ABHD5: variants seen among roughly 807,000 people sequenced by gnomAD.
The protein encoded by ABHD5 is abhydrolase domain containing 5, lysophosphatidic acid acyltransferase, also known as 1-acylglycerol-3-phosphate O-acyltransferase ABHD5.
Under a neutral mutation model 44.9 loss-of-function variants are expected in ABHD5, and 30 were observed. The observed-to-expected ratio is 0.67, with a 90% CI of 0.50 to 0.91. ABHD5 has a LOEUF of 0.91. ABHD5 is among the 40% of genes least tolerant of loss of function. ABHD5 has a pLI of 0.00. For missense variants in ABHD5, 399 were observed against 423.4 expected, an observed-to-expected ratio of 0.94 and a Z score of 0.50; for synonymous variants, 167 against 147.0, an observed-to-expected ratio of 1.14 and a Z score of -0.99.
At chr3:43,695,653 T>TAG (rs1559409346) in intron 1 of ABHD5, among the ~76,000 whole-genome samples, 1 of 152,232 alleles carries the variant, frequency 6.6e-6, no homozygotes, top group African/African-American at 2.4e-5. Flanking sequence ...GGTTTAGTAA[T>TAG]ACTGTAGATA....
intron 7 of ABHD5, among the ~76,000 whole-genome samples, chr3:43,731,989 C>T (rs2084915800): frequency 2.6e-5 from 4 of 152,210 alleles, no homozygotes; most frequent in South Asian, 4.2e-4. Flanking sequence ...ACTCACCACC[C>T]ATGAAGTCTT....
intron 1 of ABHD5, 45 bp downstream of exon 1, chr3:43,691,084 C>T (rs940620757): frequency 8.0e-6 from 12 of 1,504,662 alleles, no homozygotes; most frequent in Non-Finnish European, 1.1e-5. Flanking sequence ...CGGCGCGCAC[C>T]CTCCGCGCGG....
In ABHD5 at chr3:43,717,829, T is replaced by TA. The variant is rs2084786657; in HGVS notation, c.933dup (p.Arg312ThrfsTer45). ...AATTCTGGCACCAGCATCCAGTCCT[T>TA]ACGACCACATTCATATGTGAAGACA... is the stretch of plus-strand genomic sequence containing the variant. On this transcript the variant is annotated frameshift_variant, in exon 6 of 7. Coordinates refer to ENST00000644371, the MANE Select transcript of ABHD5 (RefSeq NM_016006.6). LOFTEE classifies it high-confidence loss of function. 1 of 1,614,228 alleles carries TA rather than the reference T, an allele frequency of 6.2e-7. No homozygotes were observed. Among genetic ancestry groups the TA allele is most frequent in the Non-Finnish European group, 8.5e-7 (1 of 1,180,034 alleles).
At chr3:43,706,801 T>G (rs1188171094) in intron 3 of ABHD5, among the ~76,000 whole-genome samples, 1 of 152,214 alleles carries the variant, frequency 6.6e-6, no homozygotes, top group Non-Finnish European at 1.5e-5. Context: ...TAATCTTTAT[T>G]TTTTTCTTTT....
chr3:43,729,084 A>G (rs1421212296), intron 7 of ABHD5, among the ~76,000 whole-genome samples: 1 of 152,234 alleles, frequency 6.6e-6, no homozygotes, highest in Non-Finnish European at 1.5e-5. Context: ...GACTCTAACC[A>G]TAACAGCCTG....
chr3:43,723,132 G>A (rs369447795), downstream of ABHD5, among the ~76,000 whole-genome samples: 1 of 152,274 alleles, frequency 6.6e-6, no homozygotes, highest in East Asian at 1.9e-4. Context: ...TTAAATGTGA[G>A]CATCAGAAAG....
At chr3:43,708,333 C>G (rs1050613955) in intron 3 of ABHD5, among the ~76,000 whole-genome samples, 1 of 152,194 alleles carries the variant, frequency 6.6e-6, no homozygotes, top group Non-Finnish European at 1.5e-5. Flanking sequence ...GGAACCCTCT[C>G]TGGAATATTA....
chr3:43,721,698 A>C lies in ABHD5; in HGVS notation c.*3166A>C, dbSNP rs1180924688. On this transcript the variant is annotated 3_prime_UTR_variant, in exon 7 of 7. Transcript: ENST00000644371. ...ACTCCAGCCTGGGTGACAGAGAAGAAAAAAGATTTTTTTGGATAGCTGAAA... is the reference window on the plus strand; with the variant it reads ...ACTCCAGCCTGGGTGACAGAGAAGACAAAAGATTTTTTTGGATAGCTGAAA... 6.6e-6 allele frequency: 1 copy of C among 152,204 alleles called. No individual in the cohort carries two copies. The highest frequency in any genetic ancestry group is 1.5e-5 in the Non-Finnish European group (1 of 68,036). 9.4% of individuals were successfully genotyped at this position (152,204 alleles called of 1,614,324 possible).
chr3:43,714,105 T>C (rs1334166136), intron 4 of ABHD5, among the ~76,000 whole-genome samples: 1 of 151,810 alleles, frequency 6.6e-6, no homozygotes, highest in East Asian at 1.9e-4. Context: ...CCTGGGCTTT[T>C]TCTTTTCTTT....
At chr3:43,725,869 T>G (rs139746295), downstream of ABHD5, among the ~76,000 whole-genome samples, 917 of 151,770 alleles carry the variant, frequency 6.0e-3, 5 homozygotes, top group African/African-American at 0.021. Flanking sequence ...TGTTTTTTTG[T>G]TTTTTTGGTT....
At chr3:43,700,998 A>T (rs1204930487) in intron 2 of ABHD5, among the ~76,000 whole-genome samples, 1 of 152,208 alleles carries the variant, frequency 6.6e-6, no homozygotes, top group Non-Finnish European at 1.5e-5. Context: ...ATCAGGAGGT[A>T]AAAAAGGGGT....
At position 43,722,613 on chromosome 3, in the gene ABHD5, T is replaced by C. The variant is rs190485367; in HGVS notation, c.*4081T>C. The C allele has an allele frequency of 1.2e-4, 19 of 152,334 alleles. No individual in the cohort carries two copies. Among genetic ancestry groups the C allele is most frequent in the African/African-American group, 4.3e-4 (18 of 41,572 alleles). The allele number at this position is 152,334 out of a possible 1,614,324, so 9.4% of individuals were successfully genotyped here. On this transcript the variant is annotated 3_prime_UTR_variant, in exon 7 of 7. Transcript: ENST00000644371. ...TTAACAGTCTGTCAAGTTGGTGATA[T>C]AACCCCACAGAAGACTTACTTCAAG...
chr3:43,702,373 C>G lies in ABHD5; in HGVS notation c.292C>G (p.Leu98Val). 1 of 1,614,176 alleles carries G rather than the reference C, an allele frequency of 6.2e-7. No individual in the cohort carries two copies. Among genetic ancestry groups the G allele is most frequent in the Middle Eastern group, 1.6e-4 (1 of 6,062 alleles). ...GCTCTGGGCACTGAATTTTGGAGAT[C>G]TTTGCACCAACAGACCTGTCTATGC... ...LGLWALNFGD[L>V]CTNRPVYAFD... The change falls in exon 3 of 7, where the codon CTT (leucine) becomes GTT (valine). Residue 98 changes from leucine (L) to valine (V), a missense_variant. Coordinates refer to ENST00000644371, the MANE Select transcript of ABHD5 (RefSeq NM_016006.6).
chr3:43,704,601 T>C (rs761789115), intron 3 of ABHD5, among the ~76,000 whole-genome samples: 2 of 152,178 alleles, frequency 1.3e-5, no homozygotes, highest in Non-Finnish European at 2.9e-5. Flanking sequence ...CCTTCATAGC[T>C]CTCTACTGAT....
At position 43,702,508 on chromosome 3, in the gene ABHD5, G is replaced by A. The variant is rs374480855; in HGVS notation, c.427G>A (p.Gly143Arg). The A allele has an allele frequency of 6.2e-7, 1 of 1,614,210 alleles. No homozygotes were observed. Among genetic ancestry groups the A allele is most frequent in the East Asian group, 2.2e-5 (1 of 44,886 alleles). The part of the protein sequence containing the change: ...ESIEEWRCAL[G>R]LDKMILLGHN... ...CATTGAAGAGTGGAGATGTGCCCTA[G>A]GATTGGACAAAATGATCTTGCTTGG... Residue 143 changes from glycine to arginine, a missense_variant, in exon 3 of 7, where the codon GGA becomes AGA. By Grantham distance (125) the Gly-to-Arg change is moderately radical. Coordinates refer to ENST00000644371, the MANE Select transcript of ABHD5 (RefSeq NM_016006.6).
At chr3:43,710,369 T>C (rs1349719750) in intron 3 of ABHD5, among the ~76,000 whole-genome samples, 4 of 152,234 alleles carry the variant, frequency 2.6e-5, no homozygotes, top group African/African-American at 9.6e-5. Flanking sequence ...TTGATTAGCC[T>C]ATTTTTAGAA....
At chr3:43,722,966 C>G (rs73089205), downstream of ABHD5, among the ~76,000 whole-genome samples, 549 of 152,188 alleles carry the variant, frequency 3.6e-3, 3 homozygotes, top group Non-Finnish European at 4.9e-3. Context: ...GTAAGGCCAG[C>G]CCTCGTACCC....
At chr3:43,704,220 G>C (rs961546205) in intron 3 of ABHD5, among the ~76,000 whole-genome samples, 5 of 151,872 alleles carry the variant, frequency 3.3e-5, no homozygotes, top group Non-Finnish European at 7.4e-5. Context: ...TGTATTTTTA[G>C]TAGAGACAGG....
downstream of ABHD5, among the ~76,000 whole-genome samples, chr3:43,723,240 A>G (rs574417392): frequency 9.8e-5 from 15 of 152,348 alleles, no homozygotes; most frequent in South Asian, 1.7e-3. Flanking sequence ...TAGGGCACCA[A>G]TTCAATATTT....
Sources: allele counts gnomAD v4.1 joint callset (sites outside exome capture counted in the v4.1 genomes callset), GRCh38; gene constraint gnomAD v4.1.1; transcripts MANE v1.5; gene names NCBI Gene and HGNC (gene_info 2026-07-23, HGNC 2026-07-21).